The following GRM8 variants were observed in gnomAD, a reference collection of about 807,000 sequenced individuals.
The protein encoded by GRM8 is glutamate metabotropic receptor 8.
In GRM8, 47 loss-of-function variants were observed where a neutral mutation model predicts 87.2. The ratio of observed to expected loss-of-function variants is 0.54; its 90% CI spans 0.43 to 0.69. The LOEUF is 0.69. GRM8 is among the 30% of genes least tolerant of loss of function. GRM8 has a pLI of 0.00. For synonymous variants in GRM8, 396 were observed against 404.5 expected, an observed-to-expected ratio of 0.98 and a Z score of 0.25; for missense variants, 1,019 against 1,139.2, an observed-to-expected ratio of 0.89 and a Z score of 1.52.
At chr7:126,774,469 T>C (rs1819198170) in intron 6 of GRM8, among the ~76,000 whole-genome samples, 1 of 152,204 alleles carries the variant, frequency 6.6e-6, no homozygotes, top group Non-Finnish European at 1.5e-5. Flanking sequence ...ATTGTAAAGT[T>C]GTGATGTGTT....
chr7:127,237,242 TTGAC>T (rs763964662), intron 2 of GRM8, among the ~76,000 whole-genome samples: 10 of 152,122 alleles, frequency 6.6e-5, no homozygotes, highest in Non-Finnish European at 2.9e-5. Flanking sequence ...TACCAAAGAG[TTGAC>T]TGAAGAAGTC....
intron 6 of GRM8, among the ~76,000 whole-genome samples, chr7:126,826,535 T>C (rs1003927406): frequency 6.6e-5 from 10 of 152,238 alleles, no homozygotes; most frequent in Non-Finnish European, 1.2e-4. Context: ...GAAGTGTCTG[T>C]TCATGTCCTT....
At chr7:126,626,442 CT>C (rs1800697184) in intron 7 of GRM8, among the ~76,000 whole-genome samples, 1 of 152,036 alleles carries the variant, frequency 6.6e-6, no homozygotes, top group Non-Finnish European at 1.5e-5. Context: ...TACAATTTCA[CT>C]TTTTTTCTAT....
intron 6 of GRM8, among the ~76,000 whole-genome samples, chr7:126,859,455 C>A (rs1185010219): frequency 6.6e-6 from 1 of 152,016 alleles, no homozygotes; most frequent in Non-Finnish European, 1.5e-5. Flanking sequence ...GAGAAAGGAA[C>A]AAGAAGTTTT....
At chr7:126,547,225 A>G in intron 8 of GRM8, among the ~76,000 whole-genome samples, 1 of 152,294 alleles carries the variant, frequency 6.6e-6, no homozygotes, top group South Asian at 2.1e-4. Flanking sequence ...TGGAAGTCCA[A>G]AGATCACTGG....
intron 2 of GRM8, among the ~76,000 whole-genome samples, chr7:127,212,130 C>A (rs1172037088): frequency 6.6e-6 from 1 of 152,156 alleles, no homozygotes; most frequent in Non-Finnish European, 1.5e-5. Flanking sequence ...TATCATTACA[C>A]AAATACAGCA....
chr7:126,637,405 T>G (rs2151192782), intron 7 of GRM8, among the ~76,000 whole-genome samples: 1 of 152,234 alleles, frequency 6.6e-6, no homozygotes, highest in Middle Eastern at 3.4e-3. Flanking sequence ...GTGAATGCAC[T>G]TCACATCACG....
intron 3 of GRM8, among the ~76,000 whole-genome samples, chr7:127,103,011 T>C (rs2133047295): frequency 6.6e-6 from 1 of 152,324 alleles, no homozygotes; most frequent in South Asian, 2.1e-4. Context: ...AGCAGGCACA[T>C]GCCACCATGC....
At chr7:126,474,576 T>C (rs1805681799) in intron 9 of GRM8, among the ~76,000 whole-genome samples, 1 of 152,194 alleles carries the variant, frequency 6.6e-6, no homozygotes, top group Non-Finnish European at 1.5e-5. Context: ...CATGCATTTT[T>C]AATCCTTAGC....
intron 7 of GRM8, among the ~76,000 whole-genome samples, chr7:126,730,684 T>C (rs1352777162): frequency 1.3e-5 from 2 of 152,038 alleles, no homozygotes. Context: ...GTGAAAGATA[T>C]AGTGCGATAA....
At chr7:127,075,998 G>C in intron 3 of GRM8, 1 of 366,310 alleles carries the variant, frequency 2.7e-6, no homozygotes, top group South Asian at 2.1e-5. Context: ...TGAATTGTAT[G>C]CTGGCCAATA....
rs986708879 is a variant in GRM8, at chr7:126,438,850, T to C, written c.*269A>G. 1 of 342,262 alleles carries C rather than the reference T, an allele frequency of 2.9e-6. No individual in the cohort carries two copies. Among genetic ancestry groups the C allele is most frequent in the Non-Finnish European group, 5.3e-6 (1 of 187,572 alleles). The allele number at this position is 342,262 out of a possible 1,614,324, so 21.2% of individuals were successfully genotyped here. A position where few individuals can be genotyped will look rare whatever the true frequency, so the allele number is the denominator to read the frequency against. On this transcript the variant is annotated 3_prime_UTR_variant, in exon 11 of 11. Transcript: ENST00000339582. ...CAGCATTTTTTTTCACGAGCTAACA[T>C]TAGTTTTCCTTTTGTGATTTGTTTT...
chr7:126,886,466 A>G (rs1408279237), intron 6 of GRM8, among the ~76,000 whole-genome samples: 1 of 152,136 alleles, frequency 6.6e-6, no homozygotes, highest in Non-Finnish European at 1.5e-5. Context: ...ATCACCAAAA[A>G]CACTTGCAAT....
At chr7:127,176,012 G>A (rs190407974) in intron 2 of GRM8, among the ~76,000 whole-genome samples, 6 of 152,242 alleles carry the variant, frequency 3.9e-5, no homozygotes, top group Non-Finnish European at 5.9e-5. Context: ...ATATGAATAA[G>A]TGAAATGAAT....
intron 3 of GRM8, among the ~76,000 whole-genome samples, chr7:126,985,741 T>G (rs1586675980): frequency 6.6e-6 from 1 of 152,136 alleles, no homozygotes; most frequent in African/African-American, 2.4e-5. Flanking sequence ...ACCAGTCACT[T>G]CTGATGACAA....
At chr7:127,029,770 G>A (rs1817177224) in intron 3 of GRM8, among the ~76,000 whole-genome samples, 1 of 151,832 alleles carries the variant, frequency 6.6e-6, no homozygotes, top group Non-Finnish European at 1.5e-5. Context: ...CACACCAGTG[G>A]GTCTTGACTC....
intron 2 of GRM8, among the ~76,000 whole-genome samples, chr7:127,159,683 T>C (rs1465693712): frequency 6.6e-6 from 1 of 152,222 alleles, no homozygotes; most frequent in African/African-American, 2.4e-5. Flanking sequence ...ACAGTCATTT[T>C]GCCACAGGCT....
At chr7:126,589,788 T>C (rs1796505403) in intron 8 of GRM8, among the ~76,000 whole-genome samples, 1 of 152,122 alleles carries the variant, frequency 6.6e-6, no homozygotes, top group South Asian at 2.1e-4. Flanking sequence ...GACAGAAAGA[T>C]GGTTCACATC....
chr7:126,516,350 T>C (rs1400128696), intron 9 of GRM8, among the ~76,000 whole-genome samples: 2 of 152,068 alleles, frequency 1.3e-5, no homozygotes, highest in Non-Finnish European at 2.9e-5. Context: ...ACCCTGAACA[T>C]TGTTCCTCTG....
Sources: allele counts gnomAD v4.1 joint callset (sites outside exome capture counted in the v4.1 genomes callset), GRCh38; gene constraint gnomAD v4.1.1; transcripts MANE v1.5; gene names NCBI Gene and HGNC (gene_info 2026-07-23, HGNC 2026-07-21).